PCDHGA1: variants seen among roughly 807,000 people sequenced by gnomAD.
PCDHGA1 encodes protocadherin gamma-A1.
A neutral mutation model predicts 58.0 loss-of-function variants in PCDHGA1; 32 were observed. That is an observed-to-expected ratio of 0.55 (90% CI 0.42 to 0.74). The LOEUF is 0.74. Ranked by LOEUF, PCDHGA1 falls within the 30% of genes least tolerant of loss-of-function variation. The pLI, the probability that PCDHGA1 is intolerant of heterozygous loss-of-function variation, is 0.00. For synonymous variants in PCDHGA1, 498 were observed against 501.1 expected (o/e 0.99, Z 0.08); for missense variants, 1,205 against 1,182.3 (o/e 1.02, Z -0.28).
At chr5:141,478,177 A>G (rs769503109) in intron 1 of PCDHGA1, 1 of 1,613,988 alleles carries the variant, frequency 6.2e-7, no homozygotes, top group South Asian at 1.1e-5. Context: ...GGGAGCAGAA[A>G]AAAAATCTCA....
At chr5:141,430,405 A>T (rs1163049877) in intron 1 of PCDHGA1, among the ~76,000 whole-genome samples, 1 of 152,124 alleles carries the variant, frequency 6.6e-6, no homozygotes, top group Non-Finnish European at 1.5e-5. Flanking sequence ...AAGCTCACTA[A>T]AGTTTCTATT....
In PCDHGA1 at chr5:141,356,268, C is replaced by T. The variant is rs2149790492; in HGVS notation, c.2421+23163C>T. The T allele has an allele frequency of 1.3e-6, 2 of 1,563,386 alleles. 1 individual carries two copies. The highest frequency in any genetic ancestry group is 2.7e-5 in the African/African-American group (2 of 73,646). ...CAGTTACATCTCTCACCAGCTCAGT[C>T]CAGGAATCTTCTTCCCCGGGTACAG... On this transcript the variant is annotated intron_variant, in intron 1 of 3. Coordinates refer to ENST00000517417, the MANE Select transcript of PCDHGA1 (RefSeq NM_018912.3).
chr5:141,382,942 C>G, intron 1 of PCDHGA1: 1 of 1,595,524 alleles, frequency 6.3e-7, no homozygotes, highest in African/African-American at 1.3e-5. Flanking sequence ...AGGATTCTTC[C>G]TGCTCTCCAT....
intron 1 of PCDHGA1, chr5:141,364,981 C>T (rs756594174): frequency 4.3e-6 from 7 of 1,613,884 alleles, no homozygotes; most frequent in Non-Finnish European, 5.9e-6. Context: ...CTTTAGATGG[C>T]GGAGACCCGG....
At chr5:141,444,129 T>C (rs897901109) in intron 1 of PCDHGA1, among the ~76,000 whole-genome samples, 3 of 147,096 alleles carry the variant, frequency 2.0e-5, no homozygotes, top group African/African-American at 5.0e-5. Context: ...TCTCAACAGA[T>C]ATGTGTCACT....
chr5:141,455,104 G>T (rs2098813087), intron 1 of PCDHGA1, among the ~76,000 whole-genome samples: 1 of 151,780 alleles, frequency 6.6e-6, no homozygotes, highest in Non-Finnish European at 1.5e-5. Flanking sequence ...GAGCCACTGC[G>T]CCCGGTGGGT....
chr5:141,409,033 A>T, intron 1 of PCDHGA1: 1 of 1,614,028 alleles, frequency 6.2e-7, no homozygotes, highest in Non-Finnish European at 8.5e-7. Context: ...ATGCTGAGAT[A>T]AACTACTACT....
At chr5:141,407,286 T>A (rs1409712341) in intron 1 of PCDHGA1, among the ~76,000 whole-genome samples, 1 of 152,234 alleles carries the variant, frequency 6.6e-6, no homozygotes, top group Non-Finnish European at 1.5e-5. Flanking sequence ...TTGTTACAAT[T>A]TCTGTTCTGA....
intron 1 of PCDHGA1, chr5:141,351,709 C>G (rs780183038): frequency 6.2e-7 from 1 of 1,613,900 alleles, no homozygotes. Flanking sequence ...ACGGCAGAGT[C>G]TCCTACTCTA....
In PCDHGA1 at chr5:141,409,582, C is replaced by A. The variant is rs2095287974; in HGVS notation, c.2421+76477C>A. On this transcript the variant is annotated intron_variant, in intron 1 of 3. Coordinates refer to ENST00000517417, the MANE Select transcript of PCDHGA1 (RefSeq NM_018912.3). ...TCGACCAGACGTCCTACGTGGTCCA[C>A]GTGGCCGAGAACAACCCGCCAGGAG... 2.5e-6 allele frequency: 4 copies of A among 1,613,914 alleles called. No homozygotes were observed. The Middle Eastern group carries it at 4.9e-4, about 200-fold the overall frequency.
At chr5:141,376,632 T>G (rs1399941658) in intron 1 of PCDHGA1, 5 of 1,296,946 alleles carry the variant, frequency 3.9e-6, no homozygotes, top group Non-Finnish European at 5.2e-6. Flanking sequence ...GGAAGATTCG[T>G]GATTTTGTAA....
At position 141,476,124 on chromosome 5, in the gene PCDHGA1, C is replaced by T. The variant is rs1187643558; in HGVS notation, c.2422-18683C>T. 4 of 1,603,236 alleles carry T rather than the reference C, an allele frequency of 2.5e-6. No homozygotes were observed. Among genetic ancestry groups the T allele is most frequent in the Non-Finnish European group, 3.4e-6 (4 of 1,176,388 alleles). ...GAACTGCTTTTGAGTGAGATGGTCCCAGAGGCCTGGAGGAGCGGACTGGTA... is the reference window on the plus strand; with the variant it reads ...GAACTGCTTTTGAGTGAGATGGTCCTAGAGGCCTGGAGGAGCGGACTGGTA... On this transcript the variant is annotated intron_variant, in intron 1 of 3. Transcript: ENST00000517417. This position sits in a 1 kb window ranked among gnomAD's most constrained non-coding sequence, Gnocchi z 7.6.
chr5:141,379,993 G>A (rs922146667), intron 1 of PCDHGA1, among the ~76,000 whole-genome samples: 21 of 143,096 alleles, frequency 1.5e-4, no homozygotes, highest in Middle Eastern at 3.8e-3. Context: ...TCCTCCTCCT[G>A]GGTTCAAGCG....
At chr5:141,394,545 G>A in intron 1 of PCDHGA1, 1 of 1,614,164 alleles carries the variant, frequency 6.2e-7, no homozygotes, top group South Asian at 1.1e-5. Flanking sequence ...CGTGGAGCTG[G>A]CGCCCCGCTC....
chr5:141,437,693 C>G (rs1305650032), intron 1 of PCDHGA1, among the ~76,000 whole-genome samples: 1 of 151,638 alleles, frequency 6.6e-6, no homozygotes, highest in African/African-American at 2.4e-5. Context: ...GAGGCTAAAT[C>G]TCAAGAAAGA....
Position 141,395,397 on chromosome 5 carries a change from A to G in PCDHGA1, c.2421+62292A>G. ...GGTGTTACTATAAAATTGAACTCTAATAGTCATAGGTTATTGTTTCATTTG... is the reference window on the plus strand; with the variant it reads ...GGTGTTACTATAAAATTGAACTCTAGTAGTCATAGGTTATTGTTTCATTTG... On this transcript the variant is annotated intron_variant, in intron 1 of 3. Coordinates refer to ENST00000517417, the MANE Select transcript of PCDHGA1 (RefSeq NM_018912.3). The G allele has an allele frequency of 7.8e-6, 7 of 895,314 alleles. No individual in the cohort carries two copies. The South Asian group carries it at 9.5e-5, about 12-fold the overall frequency. 55.5% of individuals were successfully genotyped at this position (895,314 alleles called of 1,614,324 possible). A position where few individuals can be genotyped will look rare whatever the true frequency, so the allele number is the denominator to read the frequency against.
chr5:141,346,631 G>A (rs1561492643), intron 1 of PCDHGA1: 1 of 974,094 alleles, frequency 1.0e-6, no homozygotes, highest in Non-Finnish European at 1.5e-6. Flanking sequence ...TCCCCGGTCT[G>A]GTTATGGTTG....
chr5:141,339,933 C>T (rs202021513), intron 1 of PCDHGA1: 1 of 1,614,112 alleles, frequency 6.2e-7, no homozygotes, highest in East Asian at 2.2e-5. Flanking sequence ...GATATTGAAG[C>T]TCAGGATGGT....
At chr5:141,463,401 A>T (rs57406832) in intron 1 of PCDHGA1, among the ~76,000 whole-genome samples, 25,027 of 149,108 alleles carry the variant, frequency 0.17, 2,158 homozygotes, top group South Asian at 0.22. Context: ...GGCAAAAAAA[A>T]TGGAGATCCT....
Sources: gnomAD v4.1 joint callset for allele counts (sites outside exome capture counted in the v4.1 genomes callset) on GRCh38, gnomAD v4.1.1 for gene constraint, Gnocchi (gnomAD v3.1) non-coding constraint, MANE v1.5 for transcripts, NCBI Gene and HGNC (gene_info 2026-07-23, HGNC 2026-07-21) for gene names.